The following RPP30 variants were observed in gnomAD, a reference collection of about 807,000 sequenced individuals.
The protein encoded by RPP30 is ribonuclease P/MRP subunit p30, also known as ribonuclease P protein subunit p30.
In RPP30, 36 loss-of-function variants were observed where a neutral mutation model predicts 38.6. That is an observed-to-expected ratio of 0.93 (90% confidence interval 0.71 to 1.23). The LOEUF is 1.23. Ranked by LOEUF, RPP30 falls within the 50% of genes most tolerant of loss-of-function variation. RPP30 has a pLI of 0.00. For missense variants in RPP30, 321 were observed against 321.7 expected (o/e 1.00, Z 0.02); for synonymous variants, 126 against 112.7 (o/e 1.12, Z -0.75).
chr10:90,879,665 T>C (rs1440221535), intron 5 of RPP30, among the ~76,000 whole-genome samples: 3 of 152,252 alleles, frequency 2.0e-5, no homozygotes. Flanking sequence ...CCTCTTCTTA[T>C]CTTGAGAGCC....
In RPP30 at chr10:90,874,972, A is replaced by G; in HGVS notation, c.138+48A>G. On this transcript the variant is annotated intron_variant, in intron 2 of 10. Coordinates refer to ENST00000371703, the MANE Select transcript of RPP30 (RefSeq NM_006413.5). ...AATAAGTTCATAAATAAGTATTTGTAATTCTGTTTGTATTGGTAATTTGGA... is the reference window on the plus strand; with the variant it reads ...AATAAGTTCATAAATAAGTATTTGTGATTCTGTTTGTATTGGTAATTTGGA... 2.5e-6 allele frequency: 3 copies of G among 1,220,256 alleles called. 1 individual carries two copies. Among genetic ancestry groups the G allele is most frequent in the South Asian group, 2.9e-5 (2 of 69,490 alleles). The allele number at this position is 1,220,256 out of a possible 1,614,324, so 75.6% of individuals were successfully genotyped here.
chr10:90,888,068 TGCCTAACCTTTTTACCA>T (rs1337757641), intron 6 of RPP30, among the ~76,000 whole-genome samples: 1 of 152,240 alleles, frequency 6.6e-6, no homozygotes, highest in Non-Finnish European at 1.5e-5. Flanking sequence ...TTTAGAAGTT[TGCCTAACCTTTTTACCA>T]GCCTCAAACT....
intron 2 of RPP30, 31 bp from the exon 3 acceptor site, chr10:90,875,527 A>G (rs768952909): frequency 1.8e-5 from 28 of 1,584,330 alleles, no homozygotes; most frequent in Non-Finnish European, 2.4e-5. Flanking sequence ...AATGGATACA[A>G]TCTGCAGTAA....
At position 90,901,273 on chromosome 10, in the gene RPP30, A is replaced by G; in HGVS notation, c.*594A>G. The G allele has an allele frequency of 1.0e-6, 1 of 983,894 alleles. No individual in the cohort carries two copies. Among genetic ancestry groups the G allele is most frequent in the East Asian group, 1.1e-4 (1 of 8,762 alleles). 60.9% of individuals were successfully genotyped at this position (983,894 alleles called of 1,614,324 possible). On this transcript the variant is annotated 3_prime_UTR_variant, in exon 11 of 11. Transcript: ENST00000371703. ...AAGTGCTGGGATTACATGAGCCACCACATGCAGCCAGATGTTTGAATATTT... is the reference window on the plus strand; with the variant it reads ...AAGTGCTGGGATTACATGAGCCACCGCATGCAGCCAGATGTTTGAATATTT...
intron 5 of RPP30, among the ~76,000 whole-genome samples, chr10:90,885,516 G>T (rs575029531): frequency 1.3e-5 from 2 of 152,130 alleles, no homozygotes; most frequent in East Asian, 3.8e-4. Context: ...ACTGAGCCTC[G>T]CTCTGCAACC....
chr10:90,896,213 C>A, intron 9 of RPP30, 100 bp from the exon 10 acceptor site: 3 of 974,246 alleles, frequency 3.1e-6, no homozygotes, highest in Non-Finnish European at 4.9e-6. Flanking sequence ...AATTAATTAG[C>A]CTCTCAAGAT....
intron 1 of RPP30, among the ~76,000 whole-genome samples, chr10:90,873,739 T>A (rs1018859968): frequency 1.3e-5 from 2 of 151,984 alleles, no homozygotes; most frequent in African/African-American, 2.4e-5. Context: ...TAAAGAAGAA[T>A]AGGGAGGAGG....
chr10:90,877,306 C>CA (rs371578941), intron 4 of RPP30, among the ~76,000 whole-genome samples: 150 of 142,982 alleles, frequency 1.0e-3, no homozygotes, highest in South Asian at 3.3e-3. Context: ...GACTTCATTT[C>CA]AAAAAAAAAA....
At chr10:90,880,612 C>T (rs530923026) in intron 5 of RPP30, among the ~76,000 whole-genome samples, 71 of 152,098 alleles carry the variant, frequency 4.7e-4, no homozygotes, top group African/African-American at 1.4e-3. Flanking sequence ...CGCAGCTACT[C>T]GGGAGGCTGA....
At chr10:90,891,433 G>C (rs1441520252) in intron 6 of RPP30, among the ~76,000 whole-genome samples, 6 of 152,158 alleles carry the variant, frequency 3.9e-5, no homozygotes, top group Admixed American at 3.9e-4. Flanking sequence ...CATCTACAGT[G>C]ACCCTATTTC....
At chr10:90,877,749 T>G (rs1846871231) in intron 4 of RPP30, among the ~76,000 whole-genome samples, 1 of 152,202 alleles carries the variant, frequency 6.6e-6, no homozygotes, top group Admixed American at 6.5e-5. Flanking sequence ...CTTAAGAAAT[T>G]TGACTCCATA....
chr10:90,879,048 T>G lies in RPP30; in HGVS notation c.271-15T>G. 6.2e-7 allele frequency: 1 copy of G among 1,609,740 alleles called. No homozygotes were observed. Among genetic ancestry groups the G allele is most frequent in the Non-Finnish European group, 8.5e-7 (1 of 1,176,994 alleles). ...ATTTTGTTATTGTATGATAACATTC[T>G]TTTTGTATTCCTAGAGAGCAACTTC... On this transcript the variant is annotated splice_polypyrimidine_tract_variant and intron_variant, in intron 4 of 10. Transcript: ENST00000371703.
At chr10:90,892,041 A>T (rs2120217457) in intron 6 of RPP30, among the ~76,000 whole-genome samples, 5 of 152,318 alleles carry the variant, frequency 3.3e-5, no homozygotes, top group Middle Eastern at 6.8e-3. Context: ...GGCTTTGCTT[A>T]ATACTTGGAA....
chr10:90,879,198 A>G, intron 5 of RPP30, 64 bp downstream of exon 5: 1 of 1,312,412 alleles, frequency 7.6e-7, no homozygotes, highest in Non-Finnish European at 1.1e-6. Flanking sequence ...TGATGTTCTG[A>G]CTTTGTAGAT....
Position 90,901,278 on chromosome 10 carries a change from C to T in RPP30, c.*599C>T, listed in dbSNP as rs1847199134. The T allele has an allele frequency of 4.1e-6, 4 of 984,736 alleles. No individual in the cohort carries two copies. The highest frequency in any genetic ancestry group is 4.8e-6 in the Non-Finnish European group (4 of 829,522). The allele number at this position is 984,736 out of a possible 1,614,324, so 61.0% of individuals were successfully genotyped here. A position where few individuals can be genotyped will look rare whatever the true frequency, so the allele number is the denominator to read the frequency against. ...CTGGGATTACATGAGCCACCACATG[C>T]AGCCAGATGTTTGAATATTTTAAGA... On this transcript the variant is annotated 3_prime_UTR_variant, in exon 11 of 11. Coordinates refer to ENST00000371703, the MANE Select transcript of RPP30 (RefSeq NM_006413.5).
chr10:90,882,561 G>A (rs986126669), intron 5 of RPP30, among the ~76,000 whole-genome samples: 2 of 152,180 alleles, frequency 1.3e-5, no homozygotes, highest in Non-Finnish European at 2.9e-5. Context: ...TACTCAGGAG[G>A]CTGAGGCAGG....
downstream of RPP30, among the ~76,000 whole-genome samples, chr10:90,908,061 T>C (rs1847272639): frequency 2.0e-5 from 3 of 152,128 alleles, no homozygotes; most frequent in Admixed American, 2.0e-4. Context: ...TATAACACAG[T>C]GGTAAGTATA....
In RPP30 at chr10:90,900,565, T is replaced by C; in HGVS notation, c.698-5T>C. The C allele has an allele frequency of 6.2e-7, 1 of 1,609,400 alleles. No individual in the cohort carries two copies. The highest frequency in any genetic ancestry group is 8.5e-7 in the Non-Finnish European group (1 of 1,178,242). On this transcript the variant is annotated splice_polypyrimidine_tract_variant and splice_region_variant and intron_variant, in intron 10 of 10. Transcript: ENST00000371703. Reference sequence around the variant, plus strand: ...AGCACAGTGGTTTCCCTGTTTGTTTTACAGAAACTAGAAAAACTGCTTTTG... The same window carrying C: ...AGCACAGTGGTTTCCCTGTTTGTTTCACAGAAACTAGAAAAACTGCTTTTG...
intron 5 of RPP30, among the ~76,000 whole-genome samples, chr10:90,881,398 C>T (rs117375487): frequency 1.3e-3 from 191 of 152,206 alleles, no homozygotes; most frequent in Admixed American, 2.9e-3. Context: ...AATAGTTTTA[C>T]TTGTTTATCT....
Sources: allele counts gnomAD v4.1 joint callset (sites outside exome capture counted in the v4.1 genomes callset), GRCh38; gene constraint gnomAD v4.1.1; transcripts MANE v1.5; gene names NCBI Gene and HGNC (gene_info 2026-07-23, HGNC 2026-07-21).